The following TMX4 variants were observed in gnomAD, a reference collection of about 807,000 sequenced individuals.
The protein encoded by TMX4 is thioredoxin related transmembrane protein 4, also known as thioredoxin-related transmembrane protein 4.
In TMX4, 23 loss-of-function variants were observed where a neutral mutation model predicts 33.3. That is an observed-to-expected ratio of 0.69 (90% CI 0.50 to 0.98). TMX4 has a LOEUF of 0.98. TMX4 is among the 50% of genes least tolerant of loss of function. The pLI, the probability that TMX4 is intolerant of heterozygous loss-of-function variation, is 0.00. For missense variants in TMX4, 399 were observed against 448.9 expected (o/e 0.89, Z 1.01); for synonymous variants, 164 against 161.5 (o/e 1.02, Z -0.12).
At chr20:8,018,605 G>A (rs2122891411) in intron 1 of TMX4, among the ~76,000 whole-genome samples, 3 of 150,358 alleles carry the variant, frequency 2.0e-5, no homozygotes, top group Middle Eastern at 3.5e-3. Context: ...TCTTTCAAAT[G>A]GTCACTTCCT....
At chr20:8,006,009 G>A (rs1292104771) in intron 2 of TMX4, among the ~76,000 whole-genome samples, 1 of 146,726 alleles carries the variant, frequency 6.8e-6, no homozygotes, top group Non-Finnish European at 1.5e-5. Context: ...TAAGGCAGGG[G>A]GGTGTCTAAT....
intron 2 of TMX4, among the ~76,000 whole-genome samples, chr20:8,006,320 G>A (rs1342259409): frequency 6.6e-6 from 1 of 152,172 alleles, no homozygotes; most frequent in Non-Finnish European, 1.5e-5. Context: ...TCTACTGATG[G>A]AAGAGTTATA....
chr20:7,982,157 A>T lies in TMX4; in HGVS notation c.*94T>A, dbSNP rs2050608849. The T allele has an allele frequency of 7.5e-7, 1 of 1,335,664 alleles. No individual in the cohort carries two copies. Among genetic ancestry groups the T allele is most frequent in the Admixed American group, 2.4e-5 (1 of 41,202 alleles). 82.7% of individuals were successfully genotyped at this position (1,335,664 alleles called of 1,614,324 possible). Reference sequence around the variant, plus strand: ...AGCATCTTTTAAGAGAAGCTTGCTCATTCAGGAAAAATTAAGGATTTGGTA... The same window carrying T: ...AGCATCTTTTAAGAGAAGCTTGCTCTTTCAGGAAAAATTAAGGATTTGGTA... On this transcript the variant is annotated 3_prime_UTR_variant, in exon 8 of 8. Transcript: ENST00000246024.
chr20:8,012,615 A>G (rs956484869), intron 1 of TMX4, among the ~76,000 whole-genome samples: 4 of 150,974 alleles, frequency 2.6e-5, no homozygotes, highest in African/African-American at 9.7e-5. Context: ...AATATAATAT[A>G]ATGAACTTCA....
At chr20:7,986,010 C>T (rs998511162) in intron 6 of TMX4, among the ~76,000 whole-genome samples, 7 of 152,202 alleles carry the variant, frequency 4.6e-5, no homozygotes, top group African/African-American at 1.7e-4. Flanking sequence ...TCGCCTGGGA[C>T]CTCATACTGT....
chr20:7,991,510 T>C (rs2050654719), intron 5 of TMX4, among the ~76,000 whole-genome samples: 1 of 152,174 alleles, frequency 6.6e-6, no homozygotes, highest in African/African-American at 2.4e-5. Context: ...CAGTGAGCAC[T>C]TCCTTTAAGT....
intron 3 of TMX4, among the ~76,000 whole-genome samples, 156 bp downstream of exon 3, chr20:8,001,340 G>T (rs2050706647): frequency 6.6e-6 from 1 of 152,148 alleles, no homozygotes; most frequent in African/African-American, 2.4e-5. Context: ...CTCCAGGAAA[G>T]CTTCTCTTGT....
intron 5 of TMX4, among the ~76,000 whole-genome samples, chr20:7,993,728 G>C (rs923281590): frequency 6.6e-6 from 1 of 151,972 alleles, no homozygotes; most frequent in Admixed American, 6.6e-5. Context: ...GCTTGGGGAG[G>C]CTACATGCTG....
intron 2 of TMX4, among the ~76,000 whole-genome samples, chr20:8,002,070 C>T (rs2050709790): frequency 6.6e-6 from 1 of 152,082 alleles, no homozygotes; most frequent in Admixed American, 6.6e-5. Context: ...AATGTTTGTA[C>T]ATTTATAAAA....
chr20:8,016,988 TA>T (rs11478144), intron 1 of TMX4, among the ~76,000 whole-genome samples: 56,217 of 149,268 alleles, frequency 0.38, 12,430 homozygotes, highest in East Asian at 0.9. Flanking sequence ...GTTATATACA[TA>T]AAAAAAAAAA....
chr20:7,986,132 G>C (rs1033949941), intron 6 of TMX4, among the ~76,000 whole-genome samples: 1 of 152,096 alleles, frequency 6.6e-6, no homozygotes, highest in Non-Finnish European at 1.5e-5. Context: ...ATTTATATCC[G>C]GTGTCAAATC....
intron 5 of TMX4, among the ~76,000 whole-genome samples, chr20:7,988,947 C>T (rs2050642222): frequency 6.6e-6 from 1 of 151,784 alleles, no homozygotes; most frequent in Admixed American, 6.6e-5. Flanking sequence ...TGCTTGAACC[C>T]CGGAGGCAGA....
intron 5 of TMX4, among the ~76,000 whole-genome samples, chr20:7,994,752 C>G (rs1285192528): frequency 6.6e-6 from 1 of 152,200 alleles, no homozygotes; most frequent in African/African-American, 2.4e-5. Flanking sequence ...ACGGCTCAAA[C>G]AGCCATCAGG....
At position 8,001,151 on chromosome 20, in the gene TMX4, C is replaced by T. The variant is rs181890115; in HGVS notation, c.338+345G>A. On this transcript the variant is annotated intron_variant, in intron 3 of 7. Coordinates refer to ENST00000246024, the MANE Select transcript of TMX4 (RefSeq NM_021156.4). ...AGTTCAAAGTTCTCAAAAGGTAGCT[C>T]ATTCTCTCTTGGGCTTTTTTATGCT... Among the ~76,000 whole-genome samples, 158 of 152,288 alleles carry T rather than the reference C, an allele frequency of 1.0e-3. 2 individuals are homozygous for T. Among genetic ancestry groups the T allele is most frequent in the Non-Finnish European group, 1.7e-3 (119 of 68,022 alleles).
intron 2 of TMX4, among the ~76,000 whole-genome samples, chr20:8,003,972 C>T (rs115075328): frequency 0.011 from 1,630 of 152,114 alleles, 18 homozygotes; most frequent in Middle Eastern, 0.027. Context: ...AACTCAGACA[C>T]GAGTTCAGTT....
At chr20:8,009,861 TAA>T (rs11289988) in intron 2 of TMX4, among the ~76,000 whole-genome samples, 2,268 of 84,616 alleles carry the variant, frequency 0.027, 17 homozygotes, top group Non-Finnish European at 0.039. Context: ...CAAAAAACTG[TAA>T]AAAAAAAAAA....
chr20:8,012,401 C>T (rs529583958), intron 1 of TMX4, among the ~76,000 whole-genome samples: 99 of 152,202 alleles, frequency 6.5e-4, no homozygotes, highest in African/African-American at 2.2e-3. Context: ...GACACTTTTA[C>T]GATGCATTAG....
rs762463581 is a variant in TMX4, at chr20:7,999,791, T to C, written c.408A>G (p.Leu136=). 6.2e-7 allele frequency: 1 copy of C among 1,613,756 alleles called. No homozygotes were observed. Among genetic ancestry groups the C allele is most frequent in the South Asian group, 1.1e-5 (1 of 91,052 alleles). ...GIFEDLQNYI[L]EKKWQSVEPL... ...GCTCGACTGATTGCCATTTCTTCTC[T>C]AAGATATAATTCTGCAGGTCTTCGA... The change falls in exon 4 of 8, where the codon TTA becomes TTG. Residue 136 remains leucine, a synonymous_variant. Transcript: ENST00000246024.
chr20:8,000,124 T>TTAAAAA (rs1259428073), intron 3 of TMX4, among the ~76,000 whole-genome samples: 1 of 152,202 alleles, frequency 6.6e-6, no homozygotes, highest in Non-Finnish European at 1.5e-5. Context: ...GTGTTTAATA[T>TTAAAAA]GCCAAGTTAC....
Sources: allele counts gnomAD v4.1 joint callset (sites outside exome capture counted in the v4.1 genomes callset), GRCh38; gene constraint gnomAD v4.1.1; transcripts MANE v1.5; gene names NCBI Gene and HGNC (gene_info 2026-07-23, HGNC 2026-07-21).